The following EPS15L1 variants were observed in gnomAD, a reference collection of about 807,000 sequenced individuals.
EPS15L1 encodes epidermal growth factor receptor substrate 15-like 1.
In EPS15L1, 43 loss-of-function variants were observed where a neutral mutation model predicts 117.1. The observed-to-expected ratio is 0.37, with a 90% CI of 0.29 to 0.47. The LOEUF (loss-of-function observed/expected upper bound fraction) is 0.47. Among genes scored for constraint, EPS15L1 ranks in the 20% least tolerant of loss-of-function variants. The pLI is 0.99. For missense variants in EPS15L1, 981 were observed against 1,164.0 expected (o/e 0.84, Z 2.29); for synonymous variants, 459 against 470.5 (o/e 0.98, Z 0.32).
chr19:16,362,025 A>T, intron 22 of EPS15L1, 41 bp from the exon 23 acceptor site: 1 of 1,541,664 alleles, frequency 6.5e-7, no homozygotes, highest in Non-Finnish European at 8.7e-7. Flanking sequence ...AAAGAAAGAA[A>T]TATGAGTTAC....
intron 22 of EPS15L1, among the ~76,000 whole-genome samples, chr19:16,363,203 T>C (rs2092083399): frequency 6.6e-6 from 1 of 152,126 alleles, no homozygotes; most frequent in African/African-American, 2.4e-5. Context: ...TCCCTGGGCA[T>C]TCAACGTGGT....
Position 16,365,259 on chromosome 19 carries a change from C to G in EPS15L1, c.2381-3275G>C, listed in dbSNP as rs949898133. On this transcript the variant is annotated intron_variant, in intron 22 of 23. Transcript: ENST00000455140. The surrounding 1 kb of genome is among the most constrained non-coding windows in gnomAD (Gnocchi z 4.9). The stretch of plus-strand genomic sequence containing the variant: ...AATCCAAACAAAGGGCTGTGTCCCC[C>G]CAACAATTGTTCATACGTTCAAGTC... Among the ~76,000 whole-genome samples, 5 of 152,216 alleles carry G rather than the reference C, an allele frequency of 3.3e-5. No individual in the cohort carries two copies. The highest frequency in any genetic ancestry group is 3.3e-4 in the Admixed American group (5 of 15,278).
intron 18 of EPS15L1, among the ~76,000 whole-genome samples, chr19:16,392,910 C>T (rs1054355378): frequency 2.0e-4 from 30 of 151,768 alleles, no homozygotes; most frequent in Admixed American, 1.9e-3. Context: ...GGTGTGGTGG[C>T]ACACGCCTGT....
intron 21 of EPS15L1, among the ~76,000 whole-genome samples, chr19:16,379,167 T>C (rs1366898278): frequency 6.6e-6 from 1 of 152,006 alleles, no homozygotes; most frequent in Non-Finnish European, 1.5e-5. Context: ...TAGCCGGTCG[T>C]GGTGGCGGGC....
chr19:16,388,904 T>TAAAC (rs997001612), intron 19 of EPS15L1, among the ~76,000 whole-genome samples: 14 of 151,724 alleles, frequency 9.2e-5, no homozygotes, highest in Admixed American at 6.6e-5. Flanking sequence ...AAAAACACAC[T>TAAAC]AAACAAACAA....
At position 16,381,126 on chromosome 19, in the gene EPS15L1, G is replaced by A. The variant is rs892866960; in HGVS notation, c.2248-3872C>T. Among the ~76,000 whole-genome samples the A allele has an allele frequency of 7.9e-5, 12 of 152,348 alleles. No individual in the cohort carries two copies. The highest frequency in any genetic ancestry group is 2.4e-4 in the African/African-American group (10 of 41,588). ...ACCAGATCCCTTCCCTGGGCTTCAC[G>A]CCGCCCTCTGAAGCTGCCCAGGCAG... On this transcript the variant is annotated intron_variant, in intron 21 of 23. Transcript: ENST00000455140. The surrounding 1 kb of genome is among the most constrained non-coding windows in gnomAD (Gnocchi z 4.2).
intron 11 of EPS15L1, 101 bp downstream of exon 11, chr19:16,417,847 A>G (rs2092773810): frequency 4.1e-6 from 6 of 1,478,220 alleles, no homozygotes; most frequent in Non-Finnish European, 5.5e-6. Context: ...GACCACAGGC[A>G]GCACCCGCCA....
chr19:16,429,928 G>T (rs2145002790), intron 7 of EPS15L1, among the ~76,000 whole-genome samples: 1 of 152,356 alleles, frequency 6.6e-6, no homozygotes, highest in East Asian at 1.9e-4. Flanking sequence ...GCACTGCAGG[G>T]TGGTGAGCAG....
intron 15 of EPS15L1, among the ~76,000 whole-genome samples, chr19:16,403,239 T>C (rs1378233296): frequency 1.3e-5 from 2 of 151,064 alleles, no homozygotes; most frequent in African/African-American, 2.4e-5. Flanking sequence ...CGCCCCCCCC[T>C]GGACTGGGAA....
intron 1 of EPS15L1, among the ~76,000 whole-genome samples, chr19:16,462,562 T>C (rs990047887): frequency 6.6e-6 from 1 of 152,088 alleles, no homozygotes; most frequent in African/African-American, 2.4e-5. Flanking sequence ...TCCCAGCTAC[T>C]TGGGAGGCTG....
intron 5 of EPS15L1, 54 bp from the exon 6 acceptor site, chr19:16,437,053 TG>T: frequency 6.6e-7 from 1 of 1,513,926 alleles, no homozygotes; most frequent in Non-Finnish European, 9.2e-7. Context: ...AAATCATAGG[TG>T]GGTGGGTTTG....
At chr19:16,402,086 G>A (rs971349872) in intron 16 of EPS15L1, 8 of 1,283,474 alleles carry the variant, frequency 6.2e-6, no homozygotes, top group Non-Finnish European at 6.9e-6. Flanking sequence ...AACAGGTTCT[G>A]AAAGGATCCA....
At chr19:16,385,347 TG>T in intron 20 of EPS15L1, 136 bp from the exon 21 acceptor site, 6 of 720,086 alleles carry the variant, frequency 8.3e-6, no homozygotes, top group African/African-American at 1.7e-5. Flanking sequence ...CACGTGTGTC[TG>T]CATGAAGGCC....
chr19:16,438,122 G>A (rs2092995241), intron 4 of EPS15L1, among the ~76,000 whole-genome samples: 1 of 152,184 alleles, frequency 6.6e-6, no homozygotes, highest in African/African-American at 2.4e-5. Context: ...GGAGACCGAG[G>A]CAGGTGGATC....
intron 20 of EPS15L1, among the ~76,000 whole-genome samples, chr19:16,385,711 A>C (rs2092413598): frequency 6.6e-6 from 1 of 152,150 alleles, no homozygotes; most frequent in South Asian, 2.1e-4. Flanking sequence ...GCCTGTTCCC[A>C]AAAGAAAGGG....
chr19:16,374,017 G>T (rs931824529), intron 22 of EPS15L1, among the ~76,000 whole-genome samples: 3 of 152,248 alleles, frequency 2.0e-5, no homozygotes, highest in African/African-American at 4.8e-5. Context: ...ATCTGCAGTT[G>T]CTCCGGACTT....
At chr19:16,378,533 C>A (rs1178889419) in intron 21 of EPS15L1, among the ~76,000 whole-genome samples, 1 of 152,166 alleles carries the variant, frequency 6.6e-6, no homozygotes, top group Non-Finnish European at 1.5e-5. Flanking sequence ...TGCTTCCTGC[C>A]ACCCACGCCT....
At position 16,404,052 on chromosome 19, in the gene EPS15L1, C is replaced by A. The variant is rs2092630133; in HGVS notation, c.1429-122G>T. 2 of 850,980 alleles carry A rather than the reference C, an allele frequency of 2.4e-6. No individual in the cohort carries two copies. Among genetic ancestry groups the A allele is most frequent in the East Asian group, 5.3e-5 (2 of 37,686 alleles). The allele number at this position is 850,980 out of a possible 1,614,324, so 52.7% of individuals were successfully genotyped here. A position where few individuals can be genotyped will look rare whatever the true frequency, so the allele number is the denominator to read the frequency against. On this transcript the variant is annotated intron_variant, in intron 14 of 23. Transcript: ENST00000455140. The surrounding 1 kb of genome is among the most constrained non-coding windows in gnomAD (Gnocchi z 4.2). Reference sequence around the variant, plus strand: ...TAAGCCAGGGACGCAGACACCTAACCCAGGCCCGACACCTGGCTTCCTTAC... The same window carrying A: ...TAAGCCAGGGACGCAGACACCTAACACAGGCCCGACACCTGGCTTCCTTAC...
chr19:16,357,307 G>C (rs1175216344), intron 23 of EPS15L1: 1 of 152,326 alleles, frequency 6.6e-6, no homozygotes, highest in Non-Finnish European at 1.5e-5. Context: ...CAGGATACTA[G>C]GTGAAACTGA....
Sources: gnomAD v4.1 joint callset for allele counts (sites outside exome capture counted in the v4.1 genomes callset) on GRCh38, gnomAD v4.1.1 for gene constraint, Gnocchi (gnomAD v3.1) non-coding constraint, MANE v1.5 for transcripts, NCBI Gene and HGNC (gene_info 2026-07-23, HGNC 2026-07-21) for gene names.